PRDM16: variants seen among roughly 807,000 people sequenced by gnomAD.
PRDM16 encodes the protein PR/SET domain 16.
PRDM16 carries 23 observed loss-of-function variants against 110.6 expected under a neutral mutation model. That is an observed-to-expected ratio of 0.21 (90% CI 0.15 to 0.29). PRDM16 has a LOEUF of 0.29. Among genes scored for constraint, PRDM16 ranks in the 10% least tolerant of loss-of-function variants. PRDM16 has a pLI of 1.00. For synonymous variants in PRDM16, 799 were observed against 781.8 expected (o/e 1.02, Z -0.37); for missense variants, 1,615 against 1,794.3 (o/e 0.90, Z 1.81).
chr1:3,228,198 ACAAAG>A (rs1478669587), intron 2 of PRDM16, among the ~76,000 whole-genome samples: 1 of 152,220 alleles, frequency 6.6e-6, no homozygotes, highest in Non-Finnish European at 1.5e-5. Flanking sequence ...CTGGAAAAGC[ACAAAG>A]CATTTTCCAG....
chr1:3,257,829 C>A (rs1007083810), intron 3 of PRDM16, among the ~76,000 whole-genome samples: 4 of 152,152 alleles, frequency 2.6e-5, no homozygotes, highest in Non-Finnish European at 5.9e-5. Context: ...CACTGTGATG[C>A]CATTTTATAT....
intron 1 of PRDM16, among the ~76,000 whole-genome samples, chr1:3,151,187 C>T (rs1363375186): frequency 3.9e-5 from 6 of 152,204 alleles, no homozygotes; most frequent in Non-Finnish European, 7.3e-5. Flanking sequence ...CAGTGTCTGT[C>T]CCCTCGCTGG....
chr1:3,106,938 C>T (rs987617618), intron 1 of PRDM16, among the ~76,000 whole-genome samples: 2 of 152,228 alleles, frequency 1.3e-5, no homozygotes, highest in African/African-American at 2.4e-5. Flanking sequence ...CCCTGCCACC[C>T]AGACGACCAG....
At chr1:3,432,278 A>G in intron 16 of PRDM16, 138 bp downstream of exon 16, 1 of 672,954 alleles carries the variant, frequency 1.5e-6, no homozygotes, top group Admixed American at 2.8e-5. Context: ...TGCATCCTCC[A>G]GAGAGGCCCC....
At chr1:3,417,161 C>T (rs990622356) in intron 10 of PRDM16, among the ~76,000 whole-genome samples, 2 of 152,226 alleles carry the variant, frequency 1.3e-5, no homozygotes, top group Non-Finnish European at 2.9e-5. Flanking sequence ...AGAGGCAGCT[C>T]CTGTTGCCCA....
intron 1 of PRDM16, among the ~76,000 whole-genome samples, chr1:3,180,934 A>T (rs77036820): frequency 0.06 from 7,352 of 122,670 alleles, 208 homozygotes; most frequent in Admixed American, 0.079. Flanking sequence ...ACACGCAGCC[A>T]CACACGCAGC....
At chr1:3,077,331 C>T (rs1641923026) in intron 1 of PRDM16, among the ~76,000 whole-genome samples, 1 of 152,210 alleles carries the variant, frequency 6.6e-6, no homozygotes, top group Non-Finnish European at 1.5e-5. Flanking sequence ...GTCCCACTCT[C>T]CCAGGGTCCC....
At chr1:3,422,254 G>A (rs1327618879) in intron 12 of PRDM16, among the ~76,000 whole-genome samples, 2 of 150,416 alleles carry the variant, frequency 1.3e-5, no homozygotes, top group African/African-American at 2.5e-5. Context: ...CAAGAAGGCA[G>A]ACAGACAGGC....
intron 1 of PRDM16, among the ~76,000 whole-genome samples, chr1:3,140,167 C>T (rs557296162): frequency 2.6e-5 from 4 of 152,354 alleles, no homozygotes; most frequent in African/African-American, 4.8e-5. Flanking sequence ...AAGTGGTCCC[C>T]GCTCCCCCGG....
In PRDM16 at chr1:3,353,615, G is replaced by T. The variant is rs1012986366; in HGVS notation, c.439-31537G>T. Among the ~76,000 whole-genome samples, 10 of 152,212 alleles carry T rather than the reference G, an allele frequency of 6.6e-5. No homozygotes were observed. The highest frequency in any genetic ancestry group is 2.4e-4 in the African/African-American group (10 of 41,466). ...GGGGATGAGTCCAGCCCCGCAGTGTGACCGGCAGTTGGCAAACCATTGACT... is the reference window on the plus strand; with the variant it reads ...GGGGATGAGTCCAGCCCCGCAGTGTTACCGGCAGTTGGCAAACCATTGACT... On this transcript the variant is annotated intron_variant, in intron 3 of 16. Transcript: ENST00000270722. The surrounding 1 kb of genome is among the most constrained non-coding windows in gnomAD (Gnocchi z 5.4).
chr1:3,261,810 C>T (rs769419382), intron 3 of PRDM16, among the ~76,000 whole-genome samples: 1 of 152,322 alleles, frequency 6.6e-6, no homozygotes, highest in Non-Finnish European at 1.5e-5. Context: ...ATCCTGGCTC[C>T]GTTCAGAAAC....
rs765652014 is a variant in PRDM16 at position 3,186,239 on chromosome 1, C to T, written c.152C>T (p.Pro51Leu). The T allele has an allele frequency of 1.4e-5, 22 of 1,612,242 alleles. No homozygotes were observed. The highest frequency in any genetic ancestry group is 2.7e-5 in the African/African-American group (2 of 74,918). ...ATGTCGCCCATCCCCGTGGGGCCAC[C>T]GTCCCCCTTCCCCACCAGCGAGGAC... ...SAMSPIPVGP[P>L]SPFPTSEDFT... Residue 51 changes from proline to leucine, a missense_variant, in exon 2 of 17, where the codon CCG becomes CTG. This residue lies in a region of PRDM16 where 416 missense variants were observed against 467.1 expected (regional missense o/e 0.89). Transcript: ENST00000270722.
At chr1:3,238,784 G>A (rs1385091644) in intron 2 of PRDM16, among the ~76,000 whole-genome samples, 2 of 152,198 alleles carry the variant, frequency 1.3e-5, no homozygotes, top group South Asian at 2.1e-4. Flanking sequence ...TCTTCCTGCC[G>A]AGGCATCCAC....
intron 1 of PRDM16, among the ~76,000 whole-genome samples, chr1:3,176,611 A>T (rs59149776): frequency 1.4e-5 from 2 of 142,012 alleles, no homozygotes; most frequent in Non-Finnish European, 3.1e-5. Context: ...TCCATCATCC[A>T]TTCATCTATC....
At chr1:3,349,754 T>C (rs1642444169) in intron 3 of PRDM16, among the ~76,000 whole-genome samples, 1 of 152,188 alleles carries the variant, frequency 6.6e-6, no homozygotes, top group Admixed American at 6.5e-5. Flanking sequence ...CTGAGCTGTC[T>C]ACTGGGAGCT....
intron 3 of PRDM16, among the ~76,000 whole-genome samples, chr1:3,342,528 GAT>G (rs1268632761): frequency 6.6e-6 from 1 of 152,208 alleles, no homozygotes; most frequent in Non-Finnish European, 1.5e-5. Flanking sequence ...TATGATGTGT[GAT>G]ATATACGGTA....
chr1:3,186,016 C>T (rs1474648162), intron 1 of PRDM16, 109 bp from the exon 2 acceptor site: 1 of 943,098 alleles, frequency 1.1e-6, no homozygotes, highest in Non-Finnish European at 1.7e-6. Context: ...CTTCTGGGCC[C>T]CTGAGCACCC....
At chr1:3,195,448 A>T (rs1638451027) in intron 2 of PRDM16, among the ~76,000 whole-genome samples, 1 of 152,238 alleles carries the variant, frequency 6.6e-6, no homozygotes, top group East Asian at 1.9e-4. Flanking sequence ...GCTGCAGCCC[A>T]GCAGAGGGGA....
chr1:3,335,982 G>A (rs910817959), intron 3 of PRDM16, among the ~76,000 whole-genome samples: 14 of 152,220 alleles, frequency 9.2e-5, no homozygotes, highest in African/African-American at 1.9e-4. Context: ...GAAGTCAGTC[G>A]TGGATCTGTC....
Sources: gnomAD v4.1 joint callset for allele counts (sites outside exome capture counted in the v4.1 genomes callset) on GRCh38, gnomAD v4.1.1 for gene constraint, gnomAD v4.1.1 regional missense constraint, Gnocchi (gnomAD v3.1) non-coding constraint, MANE v1.5 for transcripts, NCBI Gene and HGNC (gene_info 2026-07-23, HGNC 2026-07-21) for gene names.